The following SHQ1 variants were observed in gnomAD, a reference collection of about 807,000 sequenced individuals.
SHQ1 encodes the protein protein SHQ1 homolog.
A neutral mutation model predicts 53.8 loss-of-function variants in SHQ1; 49 were observed. That is an observed-to-expected ratio of 0.91 (90% CI 0.72 to 1.16). The LOEUF (loss-of-function observed/expected upper bound fraction) is 1.16. Among genes scored for constraint, SHQ1 ranks in the 50% most tolerant of loss-of-function variants. The probability of loss-of-function intolerance (pLI) is 0.00; values close to 1 mark genes in which losing one functional copy is unlikely to be tolerated. For missense variants in SHQ1, 738 were observed against 683.1 expected (o/e 1.08, Z -0.90); for synonymous variants, 243 against 251.0 (o/e 0.97, Z 0.30).
chr3:72,815,325 A>T (rs1249931192), intron 8 of SHQ1, 25 bp downstream of exon 8: 1 of 1,603,628 alleles, frequency 6.2e-7, no homozygotes, highest in African/African-American at 1.3e-5. Flanking sequence ...AACAAATTCT[A>T]AACAATTGCA....
At chr3:72,752,628 G>C (rs1387417198) in intron 10 of SHQ1, among the ~76,000 whole-genome samples, 1 of 151,982 alleles carries the variant, frequency 6.6e-6, no homozygotes, top group Admixed American at 6.6e-5. Flanking sequence ...CCAGGTTCAA[G>C]TGATTCTCCT....
chr3:72,829,320 C>T (rs1203625164), intron 5 of SHQ1, among the ~76,000 whole-genome samples: 1 of 152,158 alleles, frequency 6.6e-6, no homozygotes, highest in Non-Finnish European at 1.5e-5. Flanking sequence ...TACAATAAAA[C>T]CCCTTTAGTA....
intron 10 of SHQ1, among the ~76,000 whole-genome samples, chr3:72,766,810 T>G (rs1705741071): frequency 6.6e-6 from 1 of 152,162 alleles, no homozygotes; most frequent in African/African-American, 2.4e-5. Flanking sequence ...AATCCCCAGC[T>G]GGAGGAAACC....
chr3:72,770,864 C>A (rs73841403), intron 10 of SHQ1, among the ~76,000 whole-genome samples: 1 of 152,148 alleles, frequency 6.6e-6, no homozygotes, highest in African/African-American at 2.4e-5. Context: ...GTAGGTGATC[C>A]CCAGAAGTTA....
downstream of SHQ1, among the ~76,000 whole-genome samples, chr3:72,745,469 T>G (rs1245208836): frequency 6.6e-6 from 1 of 152,150 alleles, no homozygotes; most frequent in Non-Finnish European, 1.5e-5. Flanking sequence ...GAAAAATAGG[T>G]CAATGATAAT....
the SHQ1 span, among the ~76,000 whole-genome samples, chr3:72,728,693 C>G: frequency 6.6e-6 from 1 of 152,210 alleles, no homozygotes; most frequent in Non-Finnish European, 1.5e-5. Context: ...TCTGGAGCTT[C>G]CATTGCCTCA....
At position 72,824,472 on chromosome 3, in the gene SHQ1, T is replaced by A. The variant is rs143254341; in HGVS notation, c.679A>T (p.Met227Leu). ...TCCTGACTCTTTTCCAAAAAGGCCA[T>A]CATTTTTGAATATTTGTCAGTCCAC... ...PWWTDKYSKM[M>L]AFLEKSQEQE... Residue 227 changes from methionine to leucine, a missense_variant, in exon 6 of 11, where the codon ATG (methionine) becomes TTG (leucine). Coordinates refer to ENST00000325599, the MANE Select transcript of SHQ1 (RefSeq NM_018130.3). The A allele has an allele frequency of 1.1e-5, 18 of 1,612,868 alleles. No homozygotes were observed. Among genetic ancestry groups the A allele is most frequent in the Non-Finnish European group, 1.5e-5 (18 of 1,179,744 alleles).
At chr3:72,729,673 T>A in the SHQ1 span, among the ~76,000 whole-genome samples, 2 of 152,236 alleles carry the variant, frequency 1.3e-5, no homozygotes, top group African/African-American at 4.8e-5. Context: ...GTTCCCTCAC[T>A]TTGTAATAAC....
chr3:72,811,040 G>A (rs571971209), intron 9 of SHQ1, among the ~76,000 whole-genome samples: 1 of 152,176 alleles, frequency 6.6e-6, no homozygotes, highest in Non-Finnish European at 1.5e-5. Context: ...CTGGGTAATT[G>A]ATTCCTGTGT....
At chr3:72,792,013 CTT>C (rs1281437074) in intron 10 of SHQ1, among the ~76,000 whole-genome samples, 3 of 152,206 alleles carry the variant, frequency 2.0e-5, no homozygotes, top group African/African-American at 7.2e-5. Context: ...ATGGTAAACA[CTT>C]TTAAAAATTT....
At chr3:72,780,097 A>T (rs1005604653) in intron 10 of SHQ1, among the ~76,000 whole-genome samples, 5 of 152,216 alleles carry the variant, frequency 3.3e-5, no homozygotes, top group African/African-American at 4.8e-5. Flanking sequence ...TTAATTTTTT[A>T]AAAAAGGTAT....
chr3:72,793,790 C>G (rs982825698), intron 9 of SHQ1: 3 of 152,138 alleles, frequency 2.0e-5, no homozygotes, highest in Non-Finnish European at 4.4e-5. Context: ...CTACTAATAA[C>G]AAATTATTTT....
Position 72,808,594 on chromosome 3 carries a change from T to G in SHQ1, c.1060+4077A>C, listed in dbSNP as rs149945834. Reference sequence around the variant, plus strand: ...AAATGAGATATGGTATCTAAAGAACTGAACCTAGCGCTGGCACACAGAAGG... The same window carrying G: ...AAATGAGATATGGTATCTAAAGAACGGAACCTAGCGCTGGCACACAGAAGG... On this transcript the variant is annotated intron_variant, in intron 9 of 10. Coordinates refer to ENST00000325599, the MANE Select transcript of SHQ1 (RefSeq NM_018130.3). Among the ~76,000 whole-genome samples the G allele has an allele frequency of 9.5e-3, 1,453 of 152,232 alleles. 25 individuals are homozygous for G. Among genetic ancestry groups the G allele is most frequent in the African/African-American group, 0.033 (1,362 of 41,530 alleles).
chr3:72,792,819 T>TAAA, intron 10 of SHQ1, 97 bp downstream of exon 10: 2 of 514,826 alleles, frequency 3.9e-6, no homozygotes, highest in Non-Finnish European at 6.8e-6. Flanking sequence ...AAACACAACT[T>TAAA]ACTCCTCAGG....
chr3:72,788,309 G>A (rs1445119776), intron 10 of SHQ1, among the ~76,000 whole-genome samples: 6 of 150,622 alleles, frequency 4.0e-5, no homozygotes, highest in South Asian at 2.1e-4. Context: ...AGTGAGGAGC[G>A]CCTCTGCCCG....
intron 1 of SHQ1, 97 bp from the exon 2 acceptor site, chr3:72,844,520 A>T (rs1005294496): frequency 8.8e-6 from 8 of 912,398 alleles, no homozygotes; most frequent in Admixed American, 1.8e-5. Flanking sequence ...AAATATATCA[A>T]TCATTTTTTA....
chr3:72,773,402 G>C, intron 10 of SHQ1: 1 of 450,706 alleles, frequency 2.2e-6, no homozygotes, highest in East Asian at 5.5e-5. Flanking sequence ...TCTCACAGTA[G>C]CAGTGGTGGT....
chr3:72,779,100 G>GAAT (rs1237319992), intron 10 of SHQ1, among the ~76,000 whole-genome samples: 1 of 152,144 alleles, frequency 6.6e-6, no homozygotes. Context: ...GCTACTCTTA[G>GAAT]AATAAGGATA....
intron 10 of SHQ1, chr3:72,753,127 G>A (rs938702816): frequency 2.0e-6 from 2 of 985,288 alleles, no homozygotes; most frequent in African/African-American, 3.5e-5. Flanking sequence ...CTATTCTTAA[G>A]GGGAAATCTG....
Sources: allele counts gnomAD v4.1 joint callset (sites outside exome capture counted in the v4.1 genomes callset), GRCh38; gene constraint gnomAD v4.1.1; transcripts MANE v1.5; gene names NCBI Gene and HGNC (gene_info 2026-07-23, HGNC 2026-07-21).